SAMD9L: variants seen among roughly 807,000 people sequenced by gnomAD.
SAMD9L encodes sterile alpha motif domain-containing protein 9-like.
In SAMD9L, 68 loss-of-function variants were observed where a neutral mutation model predicts 90.7. The ratio of observed to expected loss-of-function variants is 0.75; its 90% confidence interval spans 0.62 to 0.92. The LOEUF (loss-of-function observed/expected upper bound fraction) is 0.92, where lower values mean the gene tolerates loss of function less well. SAMD9L is among the 40% of genes least tolerant of loss of function. The pLI, the probability that SAMD9L is intolerant of heterozygous loss-of-function variation, is 0.00. For missense variants in SAMD9L, 1,604 were observed against 1,824.3 expected (o/e 0.88, Z 2.20); for synonymous variants, 640 against 630.1 (o/e 1.02, Z -0.23).
rs1163505110 is a variant in SAMD9L at position 93,133,932 on chromosome 7, C to G, written c.2040G>C (p.Lys680Asn). 6.2e-7 allele frequency: 1 copy of G among 1,613,820 alleles called. No homozygotes were observed. The highest frequency in any genetic ancestry group is 1.7e-5 in the Admixed American group (1 of 59,954). The change falls in exon 5 of 5, where the codon AAG (lysine) becomes AAC (asparagine). Residue 680 changes from lysine to asparagine, a missense_variant. Transcript: ENST00000318238. ...GATAAAAGTGTTCTTCTTTTGATTTCTTAAACTCCAGGAATTTAGATTTGT... is the reference window on the plus strand; with the variant it reads ...GATAAAAGTGTTCTTCTTTTGATTTGTTAAACTCCAGGAATTTAGATTTGT... ...EKDKSKFLEF[K>N]KSKEEHFYRG...
intron 1 of SAMD9L, 24 bp downstream of exon 1, chr7:93,148,170 G>C (rs1045962542): frequency 6.6e-6 from 1 of 152,114 alleles, no homozygotes; most frequent in Non-Finnish European, 1.5e-5. Context: ...AACAAATAAA[G>C]GTTTAATGAT....
intron 4 of SAMD9L, among the ~76,000 whole-genome samples, chr7:93,143,857 T>C (rs1792789654): frequency 2.0e-5 from 3 of 152,234 alleles, no homozygotes; most frequent in African/African-American, 7.2e-5. Context: ...TGGGCAAAAG[T>C]CTTTAATAAT....
chr7:93,139,315 G>A (rs1404758392), intron 4 of SAMD9L, among the ~76,000 whole-genome samples: 2 of 152,036 alleles, frequency 1.3e-5, no homozygotes, highest in African/African-American at 2.4e-5. Flanking sequence ...ATTATATCGC[G>A]CCAAAGTTCA....
rs1303226083 is a variant in SAMD9L, at chr7:93,130,173, GT to G, written c.*1043del. 1.3e-5 allele frequency: 2 copies of G among 152,186 alleles called. No homozygotes were observed. The highest frequency in any genetic ancestry group is 4.8e-5 in the African/African-American group (2 of 41,454). 9.4% of individuals were successfully genotyped at this position (152,186 alleles called of 1,614,324 possible). ...AAGCTCTAGAATGCTGCTTGAGACT[GT>G]TCTGGCTGTTGTGCATCTGAGAATG... On this transcript the variant is annotated 3_prime_UTR_variant, in exon 5 of 5. Coordinates refer to ENST00000318238, the MANE Select transcript of SAMD9L (RefSeq NM_152703.5).
chr7:93,136,534 T>A (rs1165418296), intron 4 of SAMD9L, among the ~76,000 whole-genome samples: 1 of 152,124 alleles, frequency 6.6e-6, no homozygotes, highest in Non-Finnish European at 1.5e-5. Context: ...TAGCAAAATG[T>A]CAGGATAATT....
At position 93,132,197 on chromosome 7, in the gene SAMD9L, T is replaced by A; in HGVS notation, c.3775A>T (p.Asn1259Tyr). The change falls in exon 5 of 5, where the codon AAT (asparagine) becomes TAT (tyrosine). Residue 1259 changes from asparagine to tyrosine, a missense_variant. By Grantham distance (143) the Asn-to-Tyr change is moderately radical. Around this residue, in one of 7 missense-constraint regions of SAMD9L, gnomAD observed 302 missense variants for 314.7 expected, o/e 0.96. Transcript: ENST00000318238. ...CACCTTTTCAGATCTGATTGTAAAT[T>A]TTTTAGGTGGGATGTGAACTTGCTA... ...ALSKFTSHLKNLQSDLKRCFD... is the reference protein window; with the variant it reads ...ALSKFTSHLKYLQSDLKRCFD... The A allele has an allele frequency of 6.2e-7, 1 of 1,613,734 alleles. No homozygotes were observed.
chr7:93,142,348 C>G (rs1792725485), intron 4 of SAMD9L, among the ~76,000 whole-genome samples: 1 of 152,100 alleles, frequency 6.6e-6, no homozygotes, highest in South Asian at 2.1e-4. Context: ...AATAAGCACT[C>G]AATAAATATT....
At position 93,135,208 on chromosome 7, in the gene SAMD9L, G is replaced by A. The variant is rs868816944; in HGVS notation, c.764C>T (p.Thr255Ile). Residue 255 changes from threonine to isoleucine, a missense_variant, in exon 5 of 5, where the codon ACC becomes ATC. Coordinates refer to ENST00000318238, the MANE Select transcript of SAMD9L (RefSeq NM_152703.5). The stretch of plus-strand genomic sequence containing the variant: ...GTGGTCAATGAAGGCAGCCTTACTG[G>A]TGATTTTCACACCAACAATTTCTCC... ...PHGEIVGVKI[T>I]SKAAFIDHFN... 13 of 1,613,908 alleles carry A rather than the reference G, an allele frequency of 8.1e-6. No homozygotes were observed. The South Asian group carries it at 1.1e-4, about 14-fold the overall frequency.
intron 1 of SAMD9L, 118 bp downstream of exon 1, chr7:93,148,076 A>G (rs902484508): frequency 1.3e-5 from 2 of 152,246 alleles, no homozygotes; most frequent in Admixed American, 6.5e-5. Flanking sequence ...TAGTATTTTT[A>G]TAAGTAATCG....
Position 93,131,842 on chromosome 7 carries a change from G to A in SAMD9L, c.4130C>T (p.Thr1377Ile). 1 of 1,612,384 alleles carries A rather than the reference G, an allele frequency of 6.2e-7. No homozygotes were observed. Among genetic ancestry groups the A allele is most frequent in the Non-Finnish European group, 8.5e-7 (1 of 1,179,844 alleles). ...CAAAATGGAATTTTGTTTCTCATTT[G>A]TCATGGGCTTTTTTGAGTTTTGCTG... ...LLQQNSKKPM[T>I]NEKQNSILAN... Residue 1377 changes from threonine to isoleucine, a missense_variant, in exon 5 of 5, where the codon ACA becomes ATA. Around this residue, in one of 7 missense-constraint regions of SAMD9L, gnomAD observed 282 missense variants for 329.6 expected, o/e 0.86. Transcript: ENST00000318238.
chr7:93,135,081 A>G lies in SAMD9L; in HGVS notation c.891T>C (p.Asn297=). The G allele has an allele frequency of 6.2e-7, 1 of 1,613,074 alleles. No homozygotes were observed. Among genetic ancestry groups the G allele is most frequent in the Non-Finnish European group, 8.5e-7 (1 of 1,179,856 alleles). ...CAATGACAAATCTGTCAGATGGTGT[A>G]TTGTTCTGCAGAAGGACTTCCACAA... The part of the protein sequence containing the change: ...PRFVEVLLQN[N]TPSDRFVIEV... The change falls in exon 5 of 5, where the codon AAT becomes AAC. Residue 297 remains asparagine (N), a synonymous_variant. Transcript: ENST00000318238.
At chr7:93,139,438 C>G (rs917420618) in intron 4 of SAMD9L, among the ~76,000 whole-genome samples, 2 of 152,100 alleles carry the variant, frequency 1.3e-5, no homozygotes, top group Non-Finnish European at 2.9e-5. Flanking sequence ...TCCAATATGA[C>G]TGAGGTTTTT....
rs561116903 is a variant in SAMD9L at position 93,141,507 on chromosome 7, C to T, written c.-21+3225G>A. ...TGCCCCTCCCACTCCAAACTTGCTC[C>T]TCCTACAGTCTTATCAGTTAATGGA... is the stretch of plus-strand genomic sequence containing the variant. On this transcript the variant is annotated intron_variant, in intron 4 of 4. Transcript: ENST00000318238. Among the ~76,000 whole-genome samples the T allele has an allele frequency of 7.9e-5, 12 of 152,350 alleles. No individual in the cohort carries two copies. In the South Asian group the frequency reaches 1.2e-3, roughly 16 times the overall value.
rs529200041 is a variant in SAMD9L at position 93,135,420 on chromosome 7, T to A, written c.552A>T (p.Gln184His). ...SHRYIEHYTL[Q>H]PETGALNLID... ...TGAGATTGAGTGCTCCTGTTTCAGGTTGTAGAGTATAATGTTCTATGTAGC... is the reference window on the plus strand; with the variant it reads ...TGAGATTGAGTGCTCCTGTTTCAGGATGTAGAGTATAATGTTCTATGTAGC... The change falls in exon 5 of 5, where the codon CAA becomes CAT. Residue 184 changes from glutamine (Q) to histidine (H), a missense_variant. By Grantham distance (24) the Gln-to-His change is conservative. Coordinates refer to ENST00000318238, the MANE Select transcript of SAMD9L (RefSeq NM_152703.5). 3.1e-6 allele frequency: 5 copies of A among 1,614,028 alleles called. No individual in the cohort carries two copies. In the East Asian group the frequency reaches 1.1e-4, roughly 36 times the overall value.
At position 93,135,133 on chromosome 7, in the gene SAMD9L, G is replaced by C. The variant is rs756137688; in HGVS notation, c.839C>G (p.Ala280Gly). The C allele has an allele frequency of 6.2e-7, 1 of 1,612,424 alleles. No individual in the cohort carries two copies. Among genetic ancestry groups the C allele is most frequent in the African/African-American group, 1.3e-5 (1 of 74,916 alleles). The change falls in exon 5 of 5, where the codon GCC (alanine) becomes GGC (glycine). Residue 280 changes from alanine to glycine, a missense_variant. Transcript: ENST00000318238. The stretch of plus-strand genomic sequence containing the variant: ...CCTTGGCTCCCGAATACACTTCTTG[G>C]CTTCATTGATCTCACTTTCTTCAAA... Reference protein sequence around the residue: ...KYFEESEINEAKKCIREPRFV... With the variant: ...KYFEESEINEGKKCIREPRFV...
intron 4 of SAMD9L, among the ~76,000 whole-genome samples, chr7:93,139,032 GAATA>G (rs1584291122): frequency 1.3e-5 from 2 of 151,962 alleles, no homozygotes; most frequent in South Asian, 2.1e-4. Context: ...AAAATTTGCT[GAATA>G]CTTACTTTTT....
chr7:93,147,345 G>A (rs549615234), intron 1 of SAMD9L, among the ~76,000 whole-genome samples, 199 bp from the exon 2 acceptor site: 2 of 152,312 alleles, frequency 1.3e-5, no homozygotes, highest in South Asian at 4.1e-4. Flanking sequence ...CAATTGTGAA[G>A]ACAAATATTA....
At position 93,132,292 on chromosome 7, in the gene SAMD9L, T is replaced by A. The variant is rs772350672; in HGVS notation, c.3680A>T (p.His1227Leu). The change falls in exon 5 of 5, where the codon CAT (histidine) becomes CTT (leucine). Residue 1227 changes from histidine to leucine, a missense_variant. Around this residue, in one of 7 missense-constraint regions of SAMD9L, gnomAD observed 302 missense variants for 314.7 expected, o/e 0.96. Coordinates refer to ENST00000318238, the MANE Select transcript of SAMD9L (RefSeq NM_152703.5). ...FHKENELSKK[H>L]MVQFLSGKWT... ...CTTTCCTGATAAAAATTGCACCATA[T>A]GTTTTTTGGATAATTCATTTTCTTT... The A allele has an allele frequency of 2.6e-5, 42 of 1,613,674 alleles. No individual in the cohort carries two copies. The highest frequency in any genetic ancestry group is 3.5e-5 in the Non-Finnish European group (41 of 1,179,838).
Position 93,132,981 on chromosome 7 carries a change from T to G in SAMD9L, c.2991A>C (p.Leu997=), listed in dbSNP as rs1792208656. 6.2e-7 allele frequency: 1 copy of G among 1,613,454 alleles called. No individual in the cohort carries two copies. The highest frequency in any genetic ancestry group is 1.3e-5 in the African/African-American group (1 of 74,908). Residue 997 remains leucine, a synonymous_variant, in exon 5 of 5, where the codon CTA becomes CTC. Transcript: ENST00000318238. The part of the protein sequence containing the change: ...IIHPLIALYC[L]KELERSYHLD... ...AGTGATAGCTTCTTTCCAGTTCTTT[T>G]AGACAGTACAGGGCAATCAGAGGGT... is the stretch of plus-strand genomic sequence containing the variant.
Sources: allele counts gnomAD v4.1 joint callset (sites outside exome capture counted in the v4.1 genomes callset), GRCh38; gene constraint gnomAD v4.1.1; regional missense constraint gnomAD v4.1.1; transcripts MANE v1.5; gene names NCBI Gene and HGNC (gene_info 2026-07-23, HGNC 2026-07-21).